The following CHCHD3 variants were observed in gnomAD, a reference collection of about 807,000 sequenced individuals.
CHCHD3 encodes the protein MICOS complex subunit MIC19.
Under a neutral mutation model 38.2 loss-of-function variants are expected in CHCHD3, and 20 were observed. The observed-to-expected ratio is 0.52, with a 90% CI of 0.37 to 0.76. CHCHD3 has a LOEUF of 0.76. Among genes scored for constraint, CHCHD3 ranks in the 30% least tolerant of loss-of-function variants. The pLI is 0.00. For missense variants in CHCHD3, 245 were observed against 279.2 expected, an observed-to-expected ratio of 0.88 and a Z score of 0.87; for synonymous variants, 82 against 100.0, an observed-to-expected ratio of 0.82 and a Z score of 1.07.
chr7:132,989,626 T>C (rs1812216469), intron 3 of CHCHD3, among the ~76,000 whole-genome samples: 1 of 152,234 alleles, frequency 6.6e-6, no homozygotes, highest in Non-Finnish European at 1.5e-5. Context: ...TTTCTCCTAC[T>C]GCACTGAAAA....
At chr7:132,985,686 G>C (rs1449982467) in intron 3 of CHCHD3, among the ~76,000 whole-genome samples, 1 of 79,696 alleles carries the variant, frequency 1.3e-5, no homozygotes, top group Non-Finnish European at 2.6e-5. Flanking sequence ...GGTGGGGGGG[G>C]GGTCAGCCCC....
At chr7:132,812,163 A>T (rs536437052) in intron 6 of CHCHD3, among the ~76,000 whole-genome samples, 1 of 150,438 alleles carries the variant, frequency 6.6e-6, no homozygotes, top group Non-Finnish European at 1.5e-5. Context: ...TCTAAATTCT[A>T]ATAGATCTAG....
Position 132,993,235 on chromosome 7 carries a change from T to C in CHCHD3, c.252-17949A>G, listed in dbSNP as rs1243770672. Among the ~76,000 whole-genome samples the C allele has an allele frequency of 3.9e-5, 6 of 152,370 alleles. No homozygotes were observed. The South Asian group carries it at 6.2e-4, about 16-fold the overall frequency. On this transcript the variant is annotated intron_variant, in intron 3 of 7. Coordinates refer to ENST00000262570, the MANE Select transcript of CHCHD3 (RefSeq NM_017812.4). ...TTCAATTTGCAGACTCCAGTTTTCT[T>C]CAGCTCAGTGAAATGTTTTATATCA...
intron 4 of CHCHD3, among the ~76,000 whole-genome samples, chr7:132,969,231 A>G (rs1384564911): frequency 6.6e-6 from 1 of 151,918 alleles, no homozygotes; most frequent in Non-Finnish European, 1.5e-5. Context: ...CAAAATACAC[A>G]AGGCAAGAAT....
intron 3 of CHCHD3, among the ~76,000 whole-genome samples, chr7:132,986,211 T>G (rs1812114861): frequency 6.7e-6 from 1 of 148,808 alleles, no homozygotes; most frequent in East Asian, 2.0e-4. Flanking sequence ...GGCAGCATGC[T>G]CGTTAAGAGT....
At chr7:132,977,570 G>C (rs1054612009) in intron 3 of CHCHD3, among the ~76,000 whole-genome samples, 1 of 152,128 alleles carries the variant, frequency 6.6e-6, no homozygotes, top group Non-Finnish European at 1.5e-5. Flanking sequence ...TTACCAGTGA[G>C]GTGGAAACTA....
Position 133,024,549 on chromosome 7 carries a change from T to C in CHCHD3, c.248A>G (p.Lys83Arg). ...EQAKKESEDQ[K>R]RLKQAKELDR... Reference sequence around the variant, plus strand: ...TCTCTGATACCACAAAACTCACCGTTTCTGATCTTCGGATTCTTTCTTGGC... The same window carrying C: ...TCTCTGATACCACAAAACTCACCGTCTCTGATCTTCGGATTCTTTCTTGGC... The change falls in exon 3 of 8, where the codon AAA (lysine) becomes AGA (arginine). Residue 83 changes from lysine to arginine, a missense_variant. Lys to Arg is a conservative substitution (Grantham distance 26). Transcript: ENST00000262570. 6.2e-7 allele frequency: 1 copy of C among 1,612,020 alleles called. No homozygotes were observed. Among genetic ancestry groups the C allele is most frequent in the Non-Finnish European group, 8.5e-7 (1 of 1,178,324 alleles).
intron 5 of CHCHD3, among the ~76,000 whole-genome samples, chr7:132,846,802 A>C (rs533617734): frequency 6.6e-6 from 1 of 152,352 alleles, no homozygotes; most frequent in South Asian, 2.1e-4. Context: ...GAGGATGAAA[A>C]GAAATACTAC....
At chr7:132,969,166 T>C (rs1811549524) in intron 4 of CHCHD3, among the ~76,000 whole-genome samples, 1 of 151,730 alleles carries the variant, frequency 6.6e-6, no homozygotes, top group Non-Finnish European at 1.5e-5. Context: ...GTGTTTTTTT[T>C]TTTTCTAAAC....
intron 3 of CHCHD3, 75 bp from the exon 4 acceptor site, chr7:132,975,361 T>C: frequency 7.6e-7 from 1 of 1,307,480 alleles, no homozygotes; most frequent in Non-Finnish European, 1.1e-6. Context: ...AATGAAATAA[T>C]TTAAAAATAG....
chr7:132,840,483 C>A (rs4731905), intron 5 of CHCHD3, among the ~76,000 whole-genome samples: 36,817 of 152,146 alleles, frequency 0.24, 4,573 homozygotes, highest in South Asian at 0.26. Flanking sequence ...ACTAAGCTGA[C>A]AGATCTGGTT....
At chr7:132,931,300 G>T (rs1483674820) in intron 4 of CHCHD3, among the ~76,000 whole-genome samples, 3 of 152,212 alleles carry the variant, frequency 2.0e-5, no homozygotes, top group Non-Finnish European at 1.5e-5. Context: ...TGGAAAACCA[G>T]TACAATGCAA....
chr7:132,964,354 G>A (rs970351982), intron 4 of CHCHD3, among the ~76,000 whole-genome samples: 7 of 152,130 alleles, frequency 4.6e-5, no homozygotes, highest in South Asian at 2.1e-4. Context: ...AGGCCGAGGC[G>A]GGCAGATCAC....
intron 3 of CHCHD3, among the ~76,000 whole-genome samples, chr7:132,981,317 C>T (rs574095948): frequency 6.6e-6 from 1 of 152,138 alleles, no homozygotes; most frequent in Non-Finnish European, 1.5e-5. Context: ...GCTACTATCT[C>T]CATTTTTAAC....
At chr7:133,011,356 G>A (rs1049192671) in intron 3 of CHCHD3, among the ~76,000 whole-genome samples, 13 of 152,174 alleles carry the variant, frequency 8.5e-5, no homozygotes, top group Admixed American at 8.5e-4. Flanking sequence ...AATAGAATGT[G>A]GCGGACAAGA....
intron 6 of CHCHD3, among the ~76,000 whole-genome samples, chr7:132,818,439 CTCT>C (rs1403226792): frequency 1.6e-4 from 24 of 152,152 alleles, no homozygotes; most frequent in African/African-American, 5.8e-4. Context: ...GAATTTTCTC[CTCT>C]ATGTCTTAGT....
At chr7:132,821,591 G>A (rs776528404) in intron 6 of CHCHD3, among the ~76,000 whole-genome samples, 2 of 152,060 alleles carry the variant, frequency 1.3e-5, no homozygotes, top group Non-Finnish European at 2.9e-5. Context: ...AGCAAAACTT[G>A]TAGTATATTA....
At chr7:132,910,538 T>C (rs931667223) in intron 4 of CHCHD3, among the ~76,000 whole-genome samples, 1 of 152,364 alleles carries the variant, frequency 6.6e-6, no homozygotes, top group Admixed American at 6.5e-5. Context: ...TCCCTTTGTA[T>C]ATCTGTCTCT....
rs1223862134 is a variant in CHCHD3, at chr7:132,785,232, G to A, written c.*405C>T. On this transcript the variant is annotated 3_prime_UTR_variant, in exon 8 of 8. Transcript: ENST00000262570. ...ATCTATGTTTTCTGGCTCTCTCCTC[G>A]CCCCACTCCAATTAATTTAGCCCCC... 1.7e-5 allele frequency: 3 copies of A among 177,906 alleles called. No homozygotes were observed. The highest frequency in any genetic ancestry group is 2.9e-4 in the South Asian group (2 of 6,896). 11.0% of individuals were successfully genotyped at this position (177,906 alleles called of 1,614,324 possible).
Sources: gnomAD v4.1 joint callset for allele counts (sites outside exome capture counted in the v4.1 genomes callset) on GRCh38, gnomAD v4.1.1 for gene constraint, MANE v1.5 for transcripts, NCBI Gene and HGNC (gene_info 2026-07-23, HGNC 2026-07-21) for gene names.